Variants in FRY observed in about 807,000 individuals in gnomAD.
FRY encodes the protein FRY microtubule binding protein.
In FRY, 128 loss-of-function variants were observed where a neutral mutation model predicts 348.4. The observed-to-expected ratio is 0.37, with a 90% CI of 0.32 to 0.43. FRY has a LOEUF of 0.43. Among genes scored for constraint, FRY ranks in the 20% least tolerant of loss-of-function variants. FRY has a pLI of 1.00. For missense variants in FRY, 2,736 were observed against 3,695.2 expected, an observed-to-expected ratio of 0.74 and a Z score of 6.73; for synonymous variants, 1,370 against 1,374.7, an observed-to-expected ratio of 1.00 and a Z score of 0.08.
At chr13:32,099,724 A>T (rs572226241) in intron 2 of FRY, among the ~76,000 whole-genome samples, 7 of 152,142 alleles carry the variant, frequency 4.6e-5, no homozygotes, top group African/African-American at 1.7e-4. Context: ...TTTCCTCAGA[A>T]ATTTCAGTTT....
chr13:32,273,047 C>T (rs1200199166), intron 55 of FRY, among the ~76,000 whole-genome samples: 1 of 151,842 alleles, frequency 6.6e-6, no homozygotes, highest in African/African-American at 2.4e-5. Flanking sequence ...CACAGTGAAT[C>T]AGATTCTTCT....
intron 48 of FRY, among the ~76,000 whole-genome samples, chr13:32,248,620 T>C (rs760802251): frequency 2.6e-5 from 4 of 152,206 alleles, no homozygotes; most frequent in African/African-American, 4.8e-5. Flanking sequence ...TTTTATACAA[T>C]GGTCCTCACT....
At chr13:32,111,016 A>G (rs1025731321) in intron 3 of FRY, among the ~76,000 whole-genome samples, 1 of 152,232 alleles carries the variant, frequency 6.6e-6, no homozygotes, top group Non-Finnish European at 1.5e-5. Context: ...ACATCATAGG[A>G]TTCTGGGGAA....
At chr13:32,147,992 C>T (rs754707371) in intron 13 of FRY, 45 bp downstream of exon 13, 3 of 1,060,928 alleles carry the variant, frequency 2.8e-6, no homozygotes, top group Non-Finnish European at 3.0e-6. Context: ...GATGGTTTTT[C>T]AGCAGCCAGC....
chr13:32,035,142 C>T (rs910285883), intron 1 of FRY, among the ~76,000 whole-genome samples: 1 of 152,234 alleles, frequency 6.6e-6, no homozygotes, highest in Admixed American at 6.5e-5. Flanking sequence ...ATGCCCTCCT[C>T]CCTTCTAAAT....
chr13:32,184,489 C>A, intron 24 of FRY, 111 bp from the exon 25 acceptor site: 2 of 724,666 alleles, frequency 2.8e-6, no homozygotes, highest in Non-Finnish European at 5.0e-6. Flanking sequence ...GACTTTTATG[C>A]TTAGAAAATT....
intron 53 of FRY, among the ~76,000 whole-genome samples, chr13:32,263,381 C>A (rs1186677553): frequency 6.6e-6 from 1 of 152,088 alleles, no homozygotes; most frequent in South Asian, 2.1e-4. Context: ...CTAGGAAAAT[C>A]TATGTGCTTT....
In FRY at chr13:32,249,606, C is replaced by A. The variant is rs770545320; in HGVS notation, c.7089C>A (p.Thr2363=). ...RDGKPRAMAV[T]RSTSSTSSGS... ...GGAAGCCCAGGGCCATGGCCGTCAC[C>A]CGGAGCACATCTTCCACTTCCTCAG... Residue 2363 remains threonine (T), a synonymous_variant, in exon 49 of 61, where the codon ACC becomes ACA. Coordinates refer to ENST00000542859, the MANE Select transcript of FRY (RefSeq NM_023037.3). 4.3e-6 allele frequency: 7 copies of A among 1,614,198 alleles called. No individual in the cohort carries two copies. Among genetic ancestry groups the A allele is most frequent in the Non-Finnish European group, 5.9e-6 (7 of 1,180,016 alleles).
intron 11 of FRY, among the ~76,000 whole-genome samples, chr13:32,140,085 A>T (rs889458905): frequency 3.0e-5 from 4 of 131,900 alleles, no homozygotes; most frequent in South Asian, 2.4e-4. Context: ...CCAGATTATT[A>T]AAAAAAAAAC....
intron 31 of FRY, among the ~76,000 whole-genome samples, chr13:32,204,955 C>A (rs1302765831): frequency 2.6e-5 from 4 of 152,150 alleles, no homozygotes; most frequent in Non-Finnish European, 5.9e-5. Context: ...TGTATCCCAG[C>A]ACCCTGGGAG....
chr13:32,051,582 C>G (rs1004400933), intron 1 of FRY, among the ~76,000 whole-genome samples: 2 of 152,194 alleles, frequency 1.3e-5, no homozygotes, highest in African/African-American at 4.8e-5. Context: ...TAGGAGTACT[C>G]TATGTCAAAA....
chr13:32,202,604 T>C, intron 31 of FRY, 77 bp downstream of exon 31: 3 of 1,227,894 alleles, frequency 2.4e-6, no homozygotes, highest in Non-Finnish European at 3.6e-6. Context: ...AATAATGACA[T>C]GTGATCATTT....
intron 17 of FRY, among the ~76,000 whole-genome samples, chr13:32,165,891 A>C (rs989069223): frequency 6.6e-6 from 1 of 152,226 alleles, no homozygotes; most frequent in Non-Finnish European, 1.5e-5. Context: ...ATTTTATGAC[A>C]TGTCCTGACT....
intron 36 of FRY, among the ~76,000 whole-genome samples, chr13:32,219,524 C>T (rs909054533): frequency 6.7e-6 from 1 of 150,116 alleles, no homozygotes. Context: ...TTTGGGAGGC[C>T]GAGGCGGGTG....
chr13:32,100,755 C>A (rs1327748688), intron 2 of FRY, among the ~76,000 whole-genome samples: 1 of 152,136 alleles, frequency 6.6e-6, no homozygotes, highest in Non-Finnish European at 1.5e-5. Context: ...GTTTTGGATA[C>A]CCAGAAGTCC....
At chr13:32,270,872 C>G (rs1028096155) in intron 55 of FRY, among the ~76,000 whole-genome samples, 4 of 152,204 alleles carry the variant, frequency 2.6e-5, no homozygotes, top group African/African-American at 9.7e-5. Context: ...TGATTTCTGA[C>G]AGTTTGCAAC....
At chr13:32,147,238 T>C in intron 11 of FRY, 44 bp from the exon 12 acceptor site, 1 of 1,172,590 alleles carries the variant, frequency 8.5e-7, no homozygotes, top group Non-Finnish European at 1.3e-6. Context: ...ACCTCAGACC[T>C]CACTATTTAC....
intron 3 of FRY, 95 bp downstream of exon 3, chr13:32,102,111 T>C: frequency 2.5e-6 from 2 of 791,282 alleles, no homozygotes; most frequent in Admixed American, 1.7e-5. Flanking sequence ...TGGATGAACA[T>C]CCTCAAAAAG....
chr13:32,166,265 C>T (rs952075356), intron 17 of FRY, among the ~76,000 whole-genome samples: 6 of 152,186 alleles, frequency 3.9e-5, no homozygotes, highest in African/African-American at 1.4e-4. Flanking sequence ...TTAATTGTTG[C>T]CACCAAACTC....
Sources: gnomAD v4.1 joint callset for allele counts (sites outside exome capture counted in the v4.1 genomes callset) on GRCh38, gnomAD v4.1.1 for gene constraint, MANE v1.5 for transcripts, NCBI Gene and HGNC (gene_info 2026-07-23, HGNC 2026-07-21) for gene names.